The following CDK5RAP2 variants were observed in gnomAD, a reference collection of about 807,000 sequenced individuals.
The protein encoded by CDK5RAP2 is CDK5 regulatory subunit associated protein 2.
CDK5RAP2 carries 147 observed loss-of-function variants against 232.9 expected under a neutral mutation model. The observed-to-expected ratio is 0.63, with a 90% CI of 0.55 to 0.72. CDK5RAP2 has a LOEUF of 0.72. CDK5RAP2 is among the 30% of genes least tolerant of loss of function. The pLI is 0.00. For missense variants in CDK5RAP2, 2,195 were observed against 2,231.5 expected, an observed-to-expected ratio of 0.98 and a Z score of 0.33; for synonymous variants, 833 against 833.7, an observed-to-expected ratio of 1.00 and a Z score of 0.01.
chr9:120,458,229 T>C (rs2036890637), intron 20 of CDK5RAP2, among the ~76,000 whole-genome samples: 1 of 152,208 alleles, frequency 6.6e-6, no homozygotes, highest in Non-Finnish European at 1.5e-5. Flanking sequence ...TTCTTTCTCC[T>C]CTTTATAATG....
In CDK5RAP2 at chr9:120,423,061, C is replaced by T. The variant is rs111681174; in HGVS notation, c.3956-320G>A. Among the ~76,000 whole-genome samples, 142 of 152,188 alleles carry T rather than the reference C, an allele frequency of 9.3e-4. 1 individual carries two copies. Among genetic ancestry groups the T allele is most frequent in the African/African-American group, 3.0e-3 (126 of 41,524 alleles). Reference sequence around the variant, plus strand: ...TATGCTCATTACAGAAAATGGGTAACGGAATCAAAAAAAGATCAATATCCT... The same window carrying T: ...TATGCTCATTACAGAAAATGGGTAATGGAATCAAAAAAAGATCAATATCCT... On this transcript the variant is annotated intron_variant, in intron 25 of 37. Transcript: ENST00000349780.
At chr9:120,398,659 C>A (rs940920496) in intron 35 of CDK5RAP2, among the ~76,000 whole-genome samples, 1 of 152,192 alleles carries the variant, frequency 6.6e-6, no homozygotes, top group Non-Finnish European at 1.5e-5. Flanking sequence ...TACCTTCTAT[C>A]TGTTACTCCA....
At chr9:120,408,230 T>C in intron 31 of CDK5RAP2, 117 bp downstream of exon 31, 1 of 1,204,960 alleles carries the variant, frequency 8.3e-7, no homozygotes, top group Non-Finnish European at 1.2e-6. Flanking sequence ...CCATCCACTC[T>C]ACCCACAAGG....
Position 120,415,034 on chromosome 9 carries a change from C to G in CDK5RAP2, c.4297+6G>C. The G allele has an allele frequency of 6.2e-7, 1 of 1,614,080 alleles. No homozygotes were observed. Among genetic ancestry groups the G allele is most frequent in the Non-Finnish European group, 8.5e-7 (1 of 1,179,932 alleles). On this transcript the variant is annotated splice_donor_region_variant and intron_variant, in intron 28 of 37. Coordinates refer to ENST00000349780, the MANE Select transcript of CDK5RAP2 (RefSeq NM_018249.6). ...TGTACAGTCCTCCAGGAAGGTCTTT[C>G]CTTACCTTGAACAAATTCAGATCCT... is the stretch of plus-strand genomic sequence containing the variant.
At chr9:120,576,398 C>G (rs1297072809) in intron 1 of CDK5RAP2, among the ~76,000 whole-genome samples, 1 of 152,130 alleles carries the variant, frequency 6.6e-6, no homozygotes, top group East Asian at 1.9e-4. Context: ...TAGCCATTAA[C>G]ATGTAATCAA....
intron 3 of CDK5RAP2, among the ~76,000 whole-genome samples, chr9:120,554,430 T>C (rs999342470): frequency 6.6e-6 from 1 of 152,212 alleles, no homozygotes; most frequent in Non-Finnish European, 1.5e-5. Flanking sequence ...CAGTTTTCAA[T>C]GGTAAGGCAG....
chr9:120,569,065 G>C (rs560351907), intron 2 of CDK5RAP2, among the ~76,000 whole-genome samples: 40 of 152,182 alleles, frequency 2.6e-4, no homozygotes, highest in Non-Finnish European at 5.7e-4. Flanking sequence ...TGCATGCTGA[G>C]GAAACAATGG....
At chr9:120,481,517 CT>C (rs1317098813) in intron 14 of CDK5RAP2, among the ~76,000 whole-genome samples, 1,173 of 111,066 alleles carry the variant, frequency 0.011, 8 homozygotes, top group African/African-American at 0.029. Context: ...TTTTTTTTTT[CT>C]TTTTTTTTTT....
In CDK5RAP2 at chr9:120,402,910, C is replaced by T; in HGVS notation, c.5203G>A (p.Glu1735Lys). Residue 1735 changes from glutamate (E) to lysine (K), a missense_variant, in exon 34 of 38, where the codon GAG becomes AAG. Physicochemically the swap from Glu to Lys is moderately conservative, Grantham distance 56. Transcript: ENST00000349780. ...TGGCTGATCTGTTTGAGCAGGGCCT[C>T]ATAGTCCTCAATCAGGCCCAGGACA... is the stretch of plus-strand genomic sequence containing the variant. ...RHVLGLIEDY[E>K]ALLKQISQGQ... The T allele has an allele frequency of 6.2e-7, 1 of 1,614,124 alleles. No homozygotes were observed. The highest frequency in any genetic ancestry group is 8.5e-7 in the Non-Finnish European group (1 of 1,180,010).
intron 26 of CDK5RAP2, 67 bp downstream of exon 26, chr9:120,422,626 A>T (rs2034632172): frequency 8.1e-7 from 1 of 1,232,770 alleles, no homozygotes. Context: ...AAATATTTTA[A>T]AAGCTGGCAG....
intron 14 of CDK5RAP2, among the ~76,000 whole-genome samples, chr9:120,480,468 C>T (rs1814821482): frequency 6.6e-6 from 1 of 152,148 alleles, no homozygotes; most frequent in African/African-American, 2.4e-5. Flanking sequence ...TTGCAGATAT[C>T]TCAAAATATT....
intron 6 of CDK5RAP2, among the ~76,000 whole-genome samples, chr9:120,536,874 T>A (rs192275526): frequency 9.2e-5 from 14 of 151,740 alleles, no homozygotes; most frequent in Admixed American, 8.5e-4. Context: ...CACCATAATT[T>A]CCATACAAAT....
chr9:120,458,904 G>T (rs1446168216), intron 19 of CDK5RAP2, among the ~76,000 whole-genome samples: 2 of 152,116 alleles, frequency 1.3e-5, no homozygotes, highest in Non-Finnish European at 2.9e-5. Flanking sequence ...TATAAAATGG[G>T]GGTAGTAATG....
chr9:120,409,126 C>T lies in CDK5RAP2; in HGVS notation c.4604+1G>A, dbSNP rs869025200. The T allele has an allele frequency of 1.2e-6, 2 of 1,611,178 alleles. No homozygotes were observed. Among genetic ancestry groups the T allele is most frequent in the Non-Finnish European group, 1.7e-6 (2 of 1,179,880 alleles). On this transcript the variant is annotated splice_donor_variant, in intron 30 of 37. Transcript: ENST00000349780. LOFTEE classifies it high-confidence loss of function. ...GGCCACCAGGGAAGCACAGCCACTACCTGCTCAGCTCCTGGCCGCTGCAGC... is the reference window on the plus strand; with the variant it reads ...GGCCACCAGGGAAGCACAGCCACTATCTGCTCAGCTCCTGGCCGCTGCAGC...
chr9:120,453,136 C>T (rs2036564856), intron 21 of CDK5RAP2, among the ~76,000 whole-genome samples: 1 of 152,180 alleles, frequency 6.6e-6, no homozygotes, highest in Non-Finnish European at 1.5e-5. Flanking sequence ...AAAGAGACAG[C>T]TACAGACAGA....
intron 1 of CDK5RAP2, among the ~76,000 whole-genome samples, chr9:120,573,955 G>A (rs1222836023): frequency 1.3e-5 from 2 of 152,174 alleles, no homozygotes; most frequent in Non-Finnish European, 2.9e-5. Context: ...CCTAAGGTCT[G>A]GTCCTGCATT....
chr9:120,538,914 G>T, intron 6 of CDK5RAP2, 127 bp downstream of exon 6: 4 of 1,001,360 alleles, frequency 4.0e-6, no homozygotes, highest in Non-Finnish European at 6.3e-6. Flanking sequence ...CAATCCAGGA[G>T]ATGCTCAATA....
chr9:120,515,723 CT>C (rs2040305699), intron 12 of CDK5RAP2, among the ~76,000 whole-genome samples: 1 of 152,194 alleles, frequency 6.6e-6, no homozygotes, highest in Non-Finnish European at 1.5e-5. Context: ...TGAACAGACA[CT>C]TCTCAAAAGA....
At chr9:120,393,911 G>A (rs770819594) in intron 36 of CDK5RAP2, among the ~76,000 whole-genome samples, 1 of 152,072 alleles carries the variant, frequency 6.6e-6, no homozygotes, top group East Asian at 1.9e-4. Context: ...AGCCACCAGC[G>A]AGCCATTCTT....
Sources: allele counts gnomAD v4.1 joint callset (sites outside exome capture counted in the v4.1 genomes callset), GRCh38; gene constraint gnomAD v4.1.1; transcripts MANE v1.5; gene names NCBI Gene and HGNC (gene_info 2026-07-23, HGNC 2026-07-21).